Variants in CFAP52 observed in about 807,000 individuals in gnomAD.
The protein encoded by CFAP52 is cilia and flagella associated protein 52.
CFAP52 carries 57 observed loss-of-function variants against 70.5 expected under a neutral mutation model. The ratio of observed to expected loss-of-function variants is 0.81; its 90% CI spans 0.65 to 1.01. CFAP52 has a LOEUF of 1.01. Ranked by LOEUF, CFAP52 falls within the 50% of genes least tolerant of loss-of-function variation. CFAP52 has a pLI of 0.00. For missense variants in CFAP52, 785 were observed against 788.5 expected (o/e 1.00, Z 0.05); for synonymous variants, 267 against 292.5 (o/e 0.91, Z 0.89).
chr17:9,634,472 C>T (rs1220753914), intron 10 of CFAP52, among the ~76,000 whole-genome samples: 1 of 152,188 alleles, frequency 6.6e-6, no homozygotes, highest in Admixed American at 6.5e-5. Context: ...TGGCCAAACC[C>T]TGTCTCTACT....
intron 1 of CFAP52, among the ~76,000 whole-genome samples, chr17:9,580,681 C>A: frequency 1.0e-5 from 1 of 96,884 alleles, no homozygotes; most frequent in African/African-American, 3.3e-5. Context: ...AGAGTGAGAC[C>A]TGGTCTCAAA....
At chr17:9,623,487 A>G (rs1051034347) in intron 8 of CFAP52, among the ~76,000 whole-genome samples, 2 of 152,214 alleles carry the variant, frequency 1.3e-5, no homozygotes, top group Non-Finnish European at 1.5e-5. Flanking sequence ...CCATCAATGC[A>G]ATATTATAAT....
At chr17:9,593,866 G>A (rs1158653569) in intron 3 of CFAP52, among the ~76,000 whole-genome samples, 5 of 151,992 alleles carry the variant, frequency 3.3e-5, no homozygotes, top group East Asian at 2.0e-4. Context: ...TCAGGAGGCC[G>A]AGGCAGGAGA....
intron 1 of CFAP52, among the ~76,000 whole-genome samples, chr17:9,578,938 A>G (rs1277700557): frequency 6.6e-6 from 1 of 152,140 alleles, no homozygotes; most frequent in Non-Finnish European, 1.5e-5. Context: ...CTATTTTAAC[A>G]TTAATGCTGA....
At chr17:9,591,333 C>T (rs985385626) in intron 3 of CFAP52, among the ~76,000 whole-genome samples, 12 of 152,046 alleles carry the variant, frequency 7.9e-5, no homozygotes, top group African/African-American at 2.7e-4. Flanking sequence ...TCGCCGCTCC[C>T]GGCCTGCATG....
intron 9 of CFAP52, among the ~76,000 whole-genome samples, chr17:9,631,028 A>AAGAAAGAGAGAGAGAGAGAGAGAGAG (rs1555544250): frequency 8.9e-5 from 4 of 44,734 alleles, no homozygotes; most frequent in African/African-American, 3.6e-4. Context: ...GAAAGAAAGA[A>AAGAAAGAGAGAGAGAGAGAGAGAGAG]AGAGAGAGAG....
At chr17:9,581,618 G>A (rs1396202034) in intron 1 of CFAP52, among the ~76,000 whole-genome samples, 1 of 152,058 alleles carries the variant, frequency 6.6e-6, no homozygotes, top group African/African-American at 2.4e-5. Context: ...TGGAGTGTGT[G>A]TGAGTATGTC....
chr17:9,577,106 C>A (rs1234150071), intron 1 of CFAP52, among the ~76,000 whole-genome samples: 1 of 152,166 alleles, frequency 6.6e-6, no homozygotes, highest in Admixed American at 6.6e-5. Context: ...TGGCTCTGAA[C>A]CCCACGCCGC....
chr17:9,631,286 T>C (rs1597793788), intron 9 of CFAP52, among the ~76,000 whole-genome samples: 2 of 152,130 alleles, frequency 1.3e-5, no homozygotes, highest in East Asian at 1.9e-4. Context: ...CTTCTTGCTG[T>C]TCCTCAAACA....
At position 9,641,779 on chromosome 17, in the gene CFAP52, T is replaced by A; in HGVS notation, c.1631T>A (p.Leu544Gln). The A allele has an allele frequency of 6.2e-7, 1 of 1,614,030 alleles. No individual in the cohort carries two copies. Among genetic ancestry groups the A allele is most frequent in the Non-Finnish European group, 8.5e-7 (1 of 1,179,928 alleles). ...GTVIRELEGSLSGSINGMDIT... is the reference protein window; with the variant it reads ...GTVIRELEGSQSGSINGMDIT... ...GTAATCAGAGAATTGGAAGGTTCCC[T>A]GTCTGGGTCGATAAATGGCATGGAT... The change falls in exon 13 of 14, where the codon CTG (leucine) becomes CAG (glutamine). Residue 544 changes from leucine (L) to glutamine (Q), a missense_variant. Leu to Gln is a moderately radical substitution (Grantham distance 113). Transcript: ENST00000352665.
At position 9,643,033 on chromosome 17, in the gene CFAP52, C is replaced by T; in HGVS notation, c.1698C>T (p.Asp566=). Residue 566 remains aspartate, a synonymous_variant, in exon 14 of 14, where the codon GAC becomes GAT. Coordinates refer to ENST00000352665, the MANE Select transcript of CFAP52 (RefSeq NM_145054.5). ...EGVHFVTGGN[D]HLVKVWDYNE... Reference sequence around the variant, plus strand: ...GTTTATCTTTTTCAGGTGGAAATGACCATCTGGTCAAAGTTTGGGATTATA... The same window carrying T: ...GTTTATCTTTTTCAGGTGGAAATGATCATCTGGTCAAAGTTTGGGATTATA... 1 of 1,598,096 alleles carries T rather than the reference C, an allele frequency of 6.3e-7. No homozygotes were observed. The highest frequency in any genetic ancestry group is 1.1e-5 in the South Asian group (1 of 87,172).
chr17:9,586,141 G>T (rs1034249917), intron 2 of CFAP52, among the ~76,000 whole-genome samples, 169 bp downstream of exon 2: 5 of 152,004 alleles, frequency 3.3e-5, no homozygotes, highest in African/African-American at 9.7e-5. Flanking sequence ...CGGGAGTGAA[G>T]GACTCTGATG....
intron 8 of CFAP52, among the ~76,000 whole-genome samples, chr17:9,624,615 A>G (rs930952811): frequency 5.9e-5 from 9 of 152,102 alleles, no homozygotes; most frequent in African/African-American, 1.2e-4. Flanking sequence ...TTTTGAATGT[A>G]TTTTAAAATA....
At chr17:9,612,254 C>T (rs956908574) in intron 7 of CFAP52, 55 bp from the exon 8 acceptor site, 11 of 1,585,232 alleles carry the variant, frequency 6.9e-6, no homozygotes, top group African/African-American at 4.0e-5. Context: ...TCACATGATT[C>T]GTAACTACTT....
intron 10 of CFAP52, 45 bp from the exon 11 acceptor site, chr17:9,635,360 G>T (rs1430957816): frequency 1.2e-6 from 2 of 1,609,158 alleles, no homozygotes; most frequent in African/African-American, 2.7e-5. Context: ...TATCCCTTCA[G>T]AAGTCCCAAG....
chr17:9,634,158 T>C (rs1379752031), intron 10 of CFAP52, among the ~76,000 whole-genome samples: 1 of 152,220 alleles, frequency 6.6e-6, no homozygotes, highest in Non-Finnish European at 1.5e-5. Flanking sequence ...GTGCCCCAGA[T>C]TCTTTGCTAT....
At position 9,612,370 on chromosome 17, in the gene CFAP52, C is replaced by A; in HGVS notation, c.916C>A (p.Leu306Ile). Reference protein sequence around the residue: ...ITLRGEGHQFLVGTEESHIYR... With the variant: ...ITLRGEGHQFIVGTEESHIYR... ...ACTTCGAGGAGAAGGACACCAGTTT[C>A]TCGTAGGAACAGAAGAATCGCACAT... The change falls in exon 8 of 14, where the codon CTC (leucine) becomes ATC (isoleucine). Residue 306 changes from leucine (L) to isoleucine (I), a missense_variant. Physicochemically the swap from Leu to Ile is conservative, Grantham distance 5 (BLOSUM62 2). Transcript: ENST00000352665. 1 of 1,614,200 alleles carries A rather than the reference C, an allele frequency of 6.2e-7. No individual in the cohort carries two copies.
chr17:9,613,590 T>C (rs1909791781), intron 8 of CFAP52, among the ~76,000 whole-genome samples: 1 of 152,114 alleles, frequency 6.6e-6, no homozygotes, highest in Non-Finnish European at 1.5e-5. Flanking sequence ...GGATTTCGAC[T>C]CACTGCAACC....
intron 7 of CFAP52, among the ~76,000 whole-genome samples, chr17:9,608,784 C>T (rs12602008): frequency 0.2 from 30,603 of 151,786 alleles, 3,323 homozygotes; most frequent in East Asian, 0.39. Flanking sequence ...TTATTCAGCA[C>T]CTCCTCCAAC....
Sources: gnomAD v4.1 joint callset for allele counts (sites outside exome capture counted in the v4.1 genomes callset) on GRCh38, gnomAD v4.1.1 for gene constraint, MANE v1.5 for transcripts, NCBI Gene and HGNC (gene_info 2026-07-23, HGNC 2026-07-21) for gene names.